The following KPNA6 variants were observed in gnomAD, a reference collection of about 807,000 sequenced individuals.
The protein encoded by KPNA6 is importin subunit alpha-7.
Under a neutral mutation model 72.0 loss-of-function variants are expected in KPNA6, and 9 were observed. That is an observed-to-expected ratio of 0.13 (90% confidence interval 0.08 to 0.22). The LOEUF is 0.22. Ranked by LOEUF, KPNA6 falls within the 10% of genes least tolerant of loss-of-function variation. KPNA6 has a pLI of 1.00. For missense variants in KPNA6, 374 were observed against 655.7 expected, an observed-to-expected ratio of 0.57 and a Z score of 4.69; for synonymous variants, 219 against 242.1, an observed-to-expected ratio of 0.90 and a Z score of 0.89.
At chr1:32,129,724 ATTTT>A (rs1641603857) in intron 1 of KPNA6, among the ~76,000 whole-genome samples, 1 of 151,756 alleles carries the variant, frequency 6.6e-6, no homozygotes, top group Non-Finnish European at 1.5e-5. Flanking sequence ...CACAGCCAAT[ATTTT>A]TTATTTTTAT....
At chr1:32,138,440 G>A (rs1033538848) in intron 1 of KPNA6, among the ~76,000 whole-genome samples, 3 of 151,908 alleles carry the variant, frequency 2.0e-5, no homozygotes, top group Admixed American at 6.6e-5. Context: ...CTACTTGGGA[G>A]GCTGAGGCAG....
chr1:32,116,401 G>A (rs918650229), intron 1 of KPNA6, among the ~76,000 whole-genome samples: 1 of 152,002 alleles, frequency 6.6e-6, no homozygotes, highest in Non-Finnish European at 1.5e-5. Flanking sequence ...GCTCATGCCT[G>A]TAATCCTAGC....
intron 4 of KPNA6, 24 bp from the exon 5 acceptor site, chr1:32,158,243 T>C: frequency 6.5e-7 from 1 of 1,532,728 alleles, no homozygotes; most frequent in Non-Finnish European, 9.0e-7. Flanking sequence ...CCTGTGTTTT[T>C]ATTTTCCCTT....
At chr1:32,112,679 GACGGAGTTTTACC>G (rs1641261810) in intron 1 of KPNA6, among the ~76,000 whole-genome samples, 2 of 152,100 alleles carry the variant, frequency 1.3e-5, no homozygotes, top group African/African-American at 2.4e-5. Flanking sequence ...TTTTAGTAGA[GACGGAGTTTTACC>G]ATGTTGGACA....
chr1:32,165,150 T>G (rs1437062462), intron 10 of KPNA6, among the ~76,000 whole-genome samples: 1 of 152,132 alleles, frequency 6.6e-6, no homozygotes, highest in Non-Finnish European at 1.5e-5. Flanking sequence ...TAAGCAATCC[T>G]CCCACCTTGG....
intron 12 of KPNA6, among the ~76,000 whole-genome samples, chr1:32,167,685 TAAG>T (rs1296324199): frequency 2.0e-5 from 3 of 151,920 alleles, no homozygotes; most frequent in Non-Finnish European, 4.4e-5. Context: ...CTGACCAACA[TAAG>T]AAGACTCTGT....
At chr1:32,128,910 C>A (rs1641588088) in intron 1 of KPNA6, among the ~76,000 whole-genome samples, 1 of 152,150 alleles carries the variant, frequency 6.6e-6, no homozygotes, top group African/African-American at 2.4e-5. Flanking sequence ...ATTCAGTCTT[C>A]ACTGTGACTC....
intron 9 of KPNA6, among the ~76,000 whole-genome samples, chr1:32,162,914 C>G (rs188356871): frequency 6.6e-6 from 1 of 151,594 alleles, no homozygotes; most frequent in Non-Finnish European, 1.5e-5. Context: ...ACCATCCTGG[C>G]TAACACGGTG....
At position 32,154,699 on chromosome 1, in the gene KPNA6, G is replaced by A; in HGVS notation, c.116G>A (p.Arg39Gln). ...AGAGAGGAAGAGGGCATTCAGCTCC[G>A]GAAGCAGAAGCGAGAGCAACAAGTG... ...RRREEEGIQLRKQKREQQLFK... is the reference protein window; with the variant it reads ...RRREEEGIQLQKQKREQQLFK... Residue 39 changes from arginine to glutamine, a missense_variant, in exon 2 of 14, where the codon CGG becomes CAG. By Grantham distance (43) the Arg-to-Gln change is conservative. This residue lies in a region of KPNA6 where 298 missense variants were observed against 495.4 expected (regional missense o/e 0.60). Transcript: ENST00000373625. 3 of 1,614,020 alleles carry A rather than the reference G, an allele frequency of 1.9e-6. No homozygotes were observed. Among genetic ancestry groups the A allele is most frequent in the Non-Finnish European group, 1.7e-6 (2 of 1,179,958 alleles).
At chr1:32,147,666 T>C (rs1053710403) in intron 1 of KPNA6, among the ~76,000 whole-genome samples, 1 of 141,226 alleles carries the variant, frequency 7.1e-6, no homozygotes, top group Non-Finnish European at 1.5e-5. Flanking sequence ...TTTTTTTTTT[T>C]TTTTTTTTTT....
At chr1:32,141,375 C>CTTTTTTTTTTTTTTTTTTTTTTTTTTTT (rs71006334) in intron 1 of KPNA6, among the ~76,000 whole-genome samples, 1 of 54,454 alleles carries the variant, frequency 1.8e-5, no homozygotes, top group African/African-American at 6.6e-5. Context: ...TAAGTTAATC[C>CTTTTTTTTTTTTTTTTTTTTTTTTTTTT]TTTTTTTTTT....
intron 1 of KPNA6, among the ~76,000 whole-genome samples, chr1:32,140,798 T>G (rs1372429515): frequency 6.6e-6 from 1 of 152,184 alleles, no homozygotes; most frequent in Non-Finnish European, 1.5e-5. Context: ...AATACCCAAA[T>G]TTTGTCATCA....
chr1:32,157,016 C>A, intron 3 of KPNA6, 71 bp downstream of exon 3: 1 of 1,099,576 alleles, frequency 9.1e-7, no homozygotes, highest in Non-Finnish European at 1.4e-6. Context: ...TTGGGCCGTT[C>A]ACATCATCTA....
chr1:32,120,855 C>T (rs1641420578), intron 1 of KPNA6, among the ~76,000 whole-genome samples: 1 of 147,530 alleles, frequency 6.8e-6, no homozygotes, highest in South Asian at 2.1e-4. Flanking sequence ...ACCACCACAC[C>T]CAGACGGAGT....
intron 4 of KPNA6, among the ~76,000 whole-genome samples, chr1:32,157,717 T>A (rs553331692): frequency 1.3e-5 from 2 of 152,130 alleles, no homozygotes; most frequent in Non-Finnish European, 2.9e-5. Flanking sequence ...GCCCTACATA[T>A]TCTCCTCCTC....
At chr1:32,123,400 ATAAGAG>A (rs1287220006) in intron 1 of KPNA6, among the ~76,000 whole-genome samples, 1 of 152,054 alleles carries the variant, frequency 6.6e-6, no homozygotes, top group Admixed American at 6.6e-5. Flanking sequence ...TGCTTTATAC[ATAAGAG>A]TAAGTGTACA....
At chr1:32,166,561 G>T (rs1642342288) in intron 11 of KPNA6, among the ~76,000 whole-genome samples, 1 of 147,032 alleles carries the variant, frequency 6.8e-6, no homozygotes, top group East Asian at 2.1e-4. Context: ...AGAGGCAAAG[G>T]TTGCAGTGAG....
At chr1:32,145,647 A>G (rs1225210903) in intron 1 of KPNA6, among the ~76,000 whole-genome samples, 1 of 152,162 alleles carries the variant, frequency 6.6e-6, no homozygotes, top group Non-Finnish European at 1.5e-5. Flanking sequence ...CATTTTATAT[A>G]ATGTATAAAA....
chr1:32,155,915 A>ATTTTTTTTTTTTTT lies in KPNA6; in HGVS notation c.139-929_139-916dup, dbSNP rs747284319. ...CACCACGCCCGGCTAATTTTTGTGGATTTTTTTTTTTTTTTTTTTTTTGTA... is the reference window on the plus strand; with the variant it reads ...CACCACGCCCGGCTAATTTTTGTGGATTTTTTTTTTTTTTTTTTTTTTTTTTTTTTTTTTTTGTA... On this transcript the variant is annotated intron_variant, in intron 2 of 13. Transcript: ENST00000373625. 3.8e-5 allele frequency among the ~76,000 whole-genome samples: 4 copies of ATTTTTTTTTTTTTT among 105,050 alleles called. 1 individual carries two copies. The highest frequency in any genetic ancestry group is 1.1e-4 in the African/African-American group (3 of 26,146). The allele number at this position is 105,050 out of a possible 152,430, so 68.9% of individuals were successfully genotyped here.
Sources: allele counts gnomAD v4.1 joint callset (sites outside exome capture counted in the v4.1 genomes callset), GRCh38; gene constraint gnomAD v4.1.1; regional missense constraint gnomAD v4.1.1; transcripts MANE v1.5; gene names NCBI Gene and HGNC (gene_info 2026-07-23, HGNC 2026-07-21).